Variants in JOSD1 observed in about 807,000 individuals in gnomAD.
The protein encoded by JOSD1 is Josephin domain containing 1, also known as josephin-1.
Under a neutral mutation model 24.3 loss-of-function variants are expected in JOSD1, and 11 were observed. The observed-to-expected ratio is 0.45, with a 90% CI of 0.29 to 0.75. JOSD1 has a LOEUF of 0.75. Ranked by LOEUF, JOSD1 falls within the 30% of genes least tolerant of loss-of-function variation. The pLI is 0.11. For synonymous variants in JOSD1, 106 were observed against 93.8 expected (o/e 1.13, Z -0.75); for missense variants, 184 against 253.5 (o/e 0.73, Z 1.86).
At position 38,687,786 on chromosome 22, in the gene JOSD1, G is replaced by A; in HGVS notation, c.*116C>T. 2.9e-6 allele frequency: 2 copies of A among 697,136 alleles called. No individual in the cohort carries two copies. The highest frequency in any genetic ancestry group is 3.3e-5 in the South Asian group (2 of 60,072). 43.2% of individuals were successfully genotyped at this position (697,136 alleles called of 1,614,324 possible). ...GTCCTATTGCACTGTCAGATCTGAA[G>A]GGGAAAAACTTGATGAGATGTTTGG... On this transcript the variant is annotated 3_prime_UTR_variant, in exon 5 of 5. Coordinates refer to ENST00000683374, the MANE Select transcript of JOSD1 (RefSeq NM_001360236.2).
intron 2 of JOSD1, among the ~76,000 whole-genome samples, chr22:38,690,224 A>T: frequency 6.6e-6 from 1 of 152,082 alleles, no homozygotes; most frequent in Non-Finnish European, 1.5e-5. Flanking sequence ...CTTCGTGTGA[A>T]GGGGAGAAAG....
At chr22:38,696,606 TG>T (rs1201520500) in intron 2 of JOSD1, among the ~76,000 whole-genome samples, 1 of 152,236 alleles carries the variant, frequency 6.6e-6, no homozygotes, top group Non-Finnish European at 1.5e-5. Flanking sequence ...TGATGACACT[TG>T]CCCAGTTTAT....
intron 2 of JOSD1, among the ~76,000 whole-genome samples, chr22:38,698,947 G>C (rs2092556223): frequency 6.6e-6 from 1 of 152,096 alleles, no homozygotes; most frequent in Admixed American, 6.5e-5. Context: ...AGTAGACACG[G>C]GGTTCCACCA....
chr22:38,701,057 T>C (rs950149762), upstream of JOSD1: 21 of 886,930 alleles, frequency 2.4e-5, no homozygotes, highest in Non-Finnish European at 2.7e-5. Flanking sequence ...GCGTCACGCC[T>C]GACGTAAGTC....
intron 2 of JOSD1, among the ~76,000 whole-genome samples, chr22:38,693,193 CCAAA>C (rs1403618537): frequency 1.3e-4 from 20 of 152,168 alleles, no homozygotes; most frequent in Admixed American, 5.2e-4. Context: ...GCTTCAGTTC[CCAAA>C]CAAATTTGAC....
At chr22:38,689,912 C>CTGTGTGTGTG (rs57064558) in intron 2 of JOSD1, among the ~76,000 whole-genome samples, 2,534 of 144,606 alleles carry the variant, frequency 0.018, 56 homozygotes, top group African/African-American at 0.045. Context: ...TAAAGGCATT[C>CTGTGTGTGTG]TGTGTGTGTG....
intron 2 of JOSD1, among the ~76,000 whole-genome samples, chr22:38,691,045 AAACC>A (rs1288963367): frequency 6.6e-6 from 1 of 151,940 alleles, no homozygotes; most frequent in Non-Finnish European, 1.5e-5. Flanking sequence ...CTCAAAAAAC[AAACC>A]AACAAACAAA....
intron 2 of JOSD1, among the ~76,000 whole-genome samples, chr22:38,693,164 A>G (rs1407456869): frequency 6.6e-6 from 1 of 152,190 alleles, no homozygotes; most frequent in African/African-American, 2.4e-5. Flanking sequence ...AATCTCAAGG[A>G]AAGGGGATTA....
Position 38,687,706 on chromosome 22 carries a change from C to T in JOSD1, c.*196G>A. The T allele has an allele frequency of 1.8e-6, 1 of 554,732 alleles. No individual in the cohort carries two copies. The highest frequency in any genetic ancestry group is 4.8e-4 in the Middle Eastern group (1 of 2,090). The allele number at this position is 554,732 out of a possible 1,614,324, so 34.4% of individuals were successfully genotyped here. A position where few individuals can be genotyped will look rare whatever the true frequency, so the allele number is the denominator to read the frequency against. Reference sequence around the variant, plus strand: ...TGGCCTTAAGTGCACAGAACTCCTACCTTCCTTGCCCAGGAACAAAACACT... The same window carrying T: ...TGGCCTTAAGTGCACAGAACTCCTATCTTCCTTGCCCAGGAACAAAACACT... On this transcript the variant is annotated 3_prime_UTR_variant, in exon 5 of 5. Coordinates refer to ENST00000683374, the MANE Select transcript of JOSD1 (RefSeq NM_001360236.2).
At chr22:38,695,534 ACCT>A (rs1393446022) in intron 2 of JOSD1, among the ~76,000 whole-genome samples, 1 of 147,504 alleles carries the variant, frequency 6.8e-6, no homozygotes, top group African/African-American at 2.5e-5. Context: ...TGCAGCCTCG[ACCT>A]CCTGGACTCA....
rs2092562283 is a variant in JOSD1, at chr22:38,700,139, G to C, written c.-152C>G. On this transcript the variant is annotated 5_prime_UTR_variant, in exon 2 of 5. Coordinates refer to ENST00000683374, the MANE Select transcript of JOSD1 (RefSeq NM_001360236.2). The stretch of plus-strand genomic sequence containing the variant: ...TGCTTTGTCACTGGGAGAAAAGATT[G>C]GAATCAAAAGGAAAAAAATAAAACC... 1.5e-6 allele frequency: 2 copies of C among 1,331,294 alleles called. No homozygotes were observed. The highest frequency in any genetic ancestry group is 7.2e-5 in the Admixed American group (2 of 27,910). The allele number at this position is 1,331,294 out of a possible 1,614,324, so 82.5% of individuals were successfully genotyped here. A position where few individuals can be genotyped will look rare whatever the true frequency, so the allele number is the denominator to read the frequency against.
upstream of JOSD1, chr22:38,701,063 A>G (rs2092568438): frequency 1.2e-5 from 10 of 840,882 alleles, no homozygotes; most frequent in Non-Finnish European, 1.4e-5. Context: ...CGCCTGACGT[A>G]AGTCTGACGT....
intron 2 of JOSD1, among the ~76,000 whole-genome samples, chr22:38,695,146 T>G (rs4820345): frequency 4.6e-5 from 7 of 152,042 alleles, no homozygotes; most frequent in Non-Finnish European, 7.4e-5. Flanking sequence ...GTCAAAGAGC[T>G]AGGCACACAT....
Position 38,688,928 on chromosome 22 carries a change from C to T in JOSD1, c.509+7G>A, listed in dbSNP as rs780826830. ...CTAGCAACTTAGTCACAAAAGGTGC[C>T]GATTACCTGAGCTCGCTCTCGCCTC... On this transcript the variant is annotated splice_region_variant and intron_variant, in intron 4 of 4. Coordinates refer to ENST00000683374, the MANE Select transcript of JOSD1 (RefSeq NM_001360236.2). The T allele has an allele frequency of 3.5e-5, 56 of 1,608,880 alleles. No individual in the cohort carries two copies. Among genetic ancestry groups the T allele is most frequent in the Non-Finnish European group, 4.2e-5 (50 of 1,176,548 alleles).
chr22:38,695,578 G>C (rs1486374676), intron 2 of JOSD1, among the ~76,000 whole-genome samples: 1 of 151,602 alleles, frequency 6.6e-6, no homozygotes, highest in African/African-American at 2.4e-5. Flanking sequence ...CTCCCAAGTA[G>C]CTGGACTACA....
intron 2 of JOSD1, among the ~76,000 whole-genome samples, chr22:38,697,164 C>G (rs2092549578): frequency 6.6e-6 from 1 of 152,244 alleles, no homozygotes; most frequent in Non-Finnish European, 1.5e-5. Context: ...ACTCTGCAGG[C>G]AGCTAGTCAA....
chr22:38,700,632 G>C lies in JOSD1; in HGVS notation c.-631-14C>G. ...CTGGCCGCGGCCCTGCGGAGGAGGA[G>C]ACAACTCCGGTCAGCGGCGAGCGGG... On this transcript the variant is annotated splice_polypyrimidine_tract_variant and intron_variant, in intron 1 of 4. Transcript: ENST00000683374. 1 of 984,358 alleles carries C rather than the reference G, an allele frequency of 1.0e-6. No homozygotes were observed. Among genetic ancestry groups the C allele is most frequent in the Non-Finnish European group, 1.2e-6 (1 of 828,996 alleles). The allele number at this position is 984,358 out of a possible 1,614,324, so 61.0% of individuals were successfully genotyped here. A position where few individuals can be genotyped will look rare whatever the true frequency, so the allele number is the denominator to read the frequency against.
chr22:38,700,772 C>G (rs2092565996), intron 1 of JOSD1, 28 bp downstream of exon 1: 3 of 984,840 alleles, frequency 3.0e-6, no homozygotes, highest in Non-Finnish European at 2.4e-6. Context: ...GGGCCCGCGC[C>G]CACCCGGCTC....
Position 38,689,354 on chromosome 22 carries a change from C to T in JOSD1, c.256G>A (p.Val86Ile). The change falls in exon 3 of 5, where the codon GTC becomes ATC. Residue 86 changes from valine to isoleucine, a missense_variant. Val to Ile is a conservative substitution (Grantham distance 29, BLOSUM62 3). Coordinates refer to ENST00000683374, the MANE Select transcript of JOSD1 (RefSeq NM_001360236.2). ...MLGNGNYDVN[V>I]IMAALQTKGY... ...TTGGTCTGAAGTGCTGCCATAATGA[C>T]ATTCACATCGTAGTTGCCATTTCCC... The T allele has an allele frequency of 4.3e-6, 7 of 1,614,258 alleles. No homozygotes were observed. Among genetic ancestry groups the T allele is most frequent in the Non-Finnish European group, 5.9e-6 (7 of 1,180,048 alleles).
Sources: allele counts gnomAD v4.1 joint callset (sites outside exome capture counted in the v4.1 genomes callset), GRCh38; gene constraint gnomAD v4.1.1; transcripts MANE v1.5; gene names NCBI Gene and HGNC (gene_info 2026-07-23, HGNC 2026-07-21).